CDH2: variants seen among roughly 807,000 people sequenced by gnomAD.
CDH2 encodes cadherin 2.
In CDH2, 17 loss-of-function variants were observed where a neutral mutation model predicts 92.0. The observed-to-expected ratio is 0.18, with a 90% confidence interval of 0.13 to 0.28. The LOEUF is 0.28. CDH2 is among the 10% of genes least tolerant of loss of function. The pLI, the probability that CDH2 is intolerant of heterozygous loss-of-function variation, is 1.00. For synonymous variants in CDH2, 419 were observed against 415.9 expected (o/e 1.01, Z -0.09); for missense variants, 862 against 1,133.1 (o/e 0.76, Z 3.44).
intron 2 of CDH2, among the ~76,000 whole-genome samples, chr18:28,049,748 G>C (rs941941010): frequency 2.0e-5 from 3 of 152,200 alleles, no homozygotes; most frequent in African/African-American, 7.2e-5. Flanking sequence ...ACTGCTGTTA[G>C]AAATGTTTGG....
chr18:28,026,427 T>C (rs1333540636), intron 2 of CDH2, among the ~76,000 whole-genome samples: 1 of 152,162 alleles, frequency 6.6e-6, no homozygotes, highest in Non-Finnish European at 1.5e-5. Flanking sequence ...CTTTTGAACA[T>C]GGTAGCAGAC....
At chr18:27,985,467 T>A (rs1476611824) in intron 12 of CDH2, 61 bp downstream of exon 12, 10 of 1,139,944 alleles carry the variant, frequency 8.8e-6, no homozygotes, top group Non-Finnish European at 1.3e-5. Context: ...AATTAACTTT[T>A]CATGCCAGGC....
At position 28,034,843 on chromosome 18, in the gene CDH2, C is replaced by T. The variant is rs117907474; in HGVS notation, c.173-20934G>A. Among the ~76,000 whole-genome samples, 471 of 152,100 alleles carry T rather than the reference C, an allele frequency of 3.1e-3. 3 individuals carry two copies. Among genetic ancestry groups the T allele is most frequent in the South Asian group, 0.015 (72 of 4,830 alleles). On this transcript the variant is annotated intron_variant, in intron 2 of 15. Transcript: ENST00000269141. ...AATCCTTGAAGTTCAAACAATACTACCCGTACTTCAAGTTCCAAATTCTAT... is the reference window on the plus strand; with the variant it reads ...AATCCTTGAAGTTCAAACAATACTATCCGTACTTCAAGTTCCAAATTCTAT...
At chr18:27,997,645 G>A (rs535680790) in intron 7 of CDH2, among the ~76,000 whole-genome samples, 1 of 152,130 alleles carries the variant, frequency 6.6e-6, no homozygotes, top group Non-Finnish European at 1.5e-5. Flanking sequence ...GACCTTGGGA[G>A]ACTGAGGAGA....
rs183909669 is a variant in CDH2 at position 28,130,794 on chromosome 18, A to T, written c.172+16879T>A. ...TGAAGTGGAATTAGACTGTCAGAGC[A>T]ATAACCCCTCTTTCAAAGTGGTCTA... On this transcript the variant is annotated intron_variant, in intron 2 of 15. Transcript: ENST00000269141. Among the ~76,000 whole-genome samples, 90 of 152,334 alleles carry T rather than the reference A, an allele frequency of 5.9e-4. 1 individual carries two copies. The highest frequency in any genetic ancestry group is 7.3e-5 in the Non-Finnish European group (5 of 68,030).
At chr18:28,125,044 T>G (rs970919136) in intron 2 of CDH2, among the ~76,000 whole-genome samples, 2 of 152,226 alleles carry the variant, frequency 1.3e-5, no homozygotes, top group African/African-American at 4.8e-5. Context: ...TACTTTTTAG[T>G]TGGGCAGGGA....
intron 2 of CDH2, among the ~76,000 whole-genome samples, chr18:28,098,255 A>G (rs1010150700): frequency 2.0e-5 from 3 of 152,200 alleles, no homozygotes; most frequent in Admixed American, 6.5e-5. Flanking sequence ...AAAATATATC[A>G]TTTAGGAAAA....
chr18:28,019,027 A>T (rs1210798217), intron 2 of CDH2, among the ~76,000 whole-genome samples: 2 of 151,966 alleles, frequency 1.3e-5, no homozygotes, highest in African/African-American at 4.8e-5. Context: ...ACCATTATTC[A>T]AAGTGATGTA....
intron 5 of CDH2, among the ~76,000 whole-genome samples, chr18:28,007,684 A>T (rs1161994617): frequency 6.6e-6 from 1 of 152,040 alleles, no homozygotes; most frequent in Non-Finnish European, 1.5e-5. Flanking sequence ...TAATACTTTC[A>T]ATTTTACAAT....
chr18:27,998,000 G>GT (rs1348306157), intron 7 of CDH2, among the ~76,000 whole-genome samples: 8 of 152,028 alleles, frequency 5.3e-5, no homozygotes, highest in African/African-American at 4.8e-5. Flanking sequence ...TAGGGATGGG[G>GT]TTTCACCGTG....
rs17445669 is a variant in CDH2, at chr18:27,967,856, C to T, written c.2350-4335G>A. Among the ~76,000 whole-genome samples, 489 of 152,202 alleles carry T rather than the reference C, an allele frequency of 3.2e-3. 1 individual carries two copies. The highest frequency in any genetic ancestry group is 3.1e-3 in the Non-Finnish European group (213 of 68,014). On this transcript the variant is annotated intron_variant, in intron 14 of 15. Transcript: ENST00000269141. ...ATAATTAGTTTGGAAAATGATACAA[C>T]GAGTTTAACTCAGAGCATTTGGTTA...
chr18:27,957,079 AT>A (rs1018404858), intron 15 of CDH2, among the ~76,000 whole-genome samples: 50 of 151,676 alleles, frequency 3.3e-4, no homozygotes, highest in African/African-American at 9.4e-4. Context: ...TTGTTTATTC[AT>A]TTTTTTTAGA....
At chr18:28,065,879 C>G (rs2014496826) in intron 2 of CDH2, among the ~76,000 whole-genome samples, 1 of 152,124 alleles carries the variant, frequency 6.6e-6, no homozygotes, top group Non-Finnish European at 1.5e-5. Flanking sequence ...GCTAGGGGTT[C>G]TAAGAAGACC....
chr18:27,946,149 G>A (rs1909262958), downstream of CDH2, among the ~76,000 whole-genome samples: 1 of 152,110 alleles, frequency 6.6e-6, no homozygotes, highest in African/African-American at 2.4e-5. Flanking sequence ...CATGGGAAAT[G>A]TTAATAAATC....
At position 27,990,141 on chromosome 18, in the gene CDH2, T is replaced by C. The variant is rs201974265; in HGVS notation, c.1554A>G (p.Thr518=). The C allele has an allele frequency of 1.2e-6, 2 of 1,614,090 alleles. No homozygotes were observed. Among genetic ancestry groups the C allele is most frequent in the East Asian group, 2.2e-5 (1 of 44,876 alleles). ...ATCGATCTGGGTCCTGAGCAGTGAA[T>C]GTTGTCAACATGGTACCGGCATGAA... The part of the protein sequence containing the change: ...EGLHAGTMLT[T]FTAQDPDRYM... The change falls in exon 10 of 16, where the codon ACA becomes ACG. Residue 518 remains threonine (T), a synonymous_variant. Transcript: ENST00000269141.
intron 2 of CDH2, among the ~76,000 whole-genome samples, chr18:28,032,829 AATTTCC>A (rs1220740476): frequency 1.3e-5 from 2 of 152,016 alleles, no homozygotes; most frequent in Admixed American, 6.6e-5. Context: ...CACCAAGGGA[AATTTCC>A]ATTTCTTGTT....
rs1047433387 is a variant in CDH2, at chr18:27,971,992, T to G, written c.2350-8471A>C. Among the ~76,000 whole-genome samples the G allele has an allele frequency of 2.0e-5, 3 of 152,176 alleles. No individual in the cohort carries two copies. The East Asian group carries it at 5.8e-4, about 29-fold the overall frequency. ...GCTTGATTGCCCACATTAGGTCTGG[T>G]TCCCGAGACTGGCAGAAGTCCACAG... On this transcript the variant is annotated intron_variant, in intron 14 of 15. Coordinates refer to ENST00000269141, the MANE Select transcript of CDH2 (RefSeq NM_001792.5).
intron 2 of CDH2, among the ~76,000 whole-genome samples, chr18:28,094,295 T>C (rs955937409): frequency 6.6e-6 from 1 of 151,874 alleles, no homozygotes; most frequent in Non-Finnish European, 1.5e-5. Context: ...GAGACCAGCC[T>C]GGCCATCATG....
chr18:28,032,635 T>C (rs1312461273), intron 2 of CDH2, among the ~76,000 whole-genome samples: 8 of 152,150 alleles, frequency 5.3e-5, no homozygotes, highest in Non-Finnish European at 5.9e-5. Flanking sequence ...TCATCTATAA[T>C]GATTCAAATC....
Sources: allele counts gnomAD v4.1 joint callset (sites outside exome capture counted in the v4.1 genomes callset), GRCh38; gene constraint gnomAD v4.1.1; transcripts MANE v1.5; gene names NCBI Gene and HGNC (gene_info 2026-07-23, HGNC 2026-07-21).